The following MYO3B variants were observed in gnomAD, a reference collection of about 807,000 sequenced individuals.
MYO3B encodes the protein myosin IIIB, also known as myosin-IIIb.
Under a neutral mutation model 174.6 loss-of-function variants are expected in MYO3B, and 156 were observed. The observed-to-expected ratio is 0.89, with a 90% confidence interval of 0.78 to 1.02. MYO3B has a LOEUF of 1.02. MYO3B is among the 50% of genes least tolerant of loss of function. MYO3B has a pLI of 0.00. For synonymous variants in MYO3B, 563 were observed against 569.1 expected (o/e 0.99, Z 0.15); for missense variants, 1,632 against 1,639.4 (o/e 1.00, Z 0.08).
At chr2:170,249,309 T>C (rs2093226245) in intron 7 of MYO3B, among the ~76,000 whole-genome samples, 1 of 152,236 alleles carries the variant, frequency 6.6e-6, no homozygotes, top group Non-Finnish European at 1.5e-5. Context: ...TTTATCCTTA[T>C]TCTTTTAATT....
rs71412032 is a variant in MYO3B, at chr2:170,619,737, C to CTTTTTTTTTTTTTT, written c.3734-31877_3734-31864dup. On this transcript the variant is annotated intron_variant, in intron 32 of 34. Transcript: ENST00000408978. ...GATGGCCCATCACTGCTGCCATATT[C>CTTTTTTTTTTTTTT]TTTTTTTTTTTTTTTTTTTTTTTTT... 7.3e-3 allele frequency among the ~76,000 whole-genome samples: 372 copies of CTTTTTTTTTTTTTT among 50,778 alleles called. 122 individuals are homozygous for CTTTTTTTTTTTTTT. Among genetic ancestry groups the CTTTTTTTTTTTTTT allele is most frequent in the Middle Eastern group, 0.023 (1 of 44 alleles). The allele number at this position is 50,778 out of a possible 152,430, so 33.3% of individuals were successfully genotyped here.
chr2:170,595,506 A>G (rs1481697601), intron 32 of MYO3B, among the ~76,000 whole-genome samples: 1 of 152,038 alleles, frequency 6.6e-6, no homozygotes, highest in Non-Finnish European at 1.5e-5. Context: ...CGGCATGAAC[A>G]TGGCTCACTG....
intron 23 of MYO3B, among the ~76,000 whole-genome samples, chr2:170,456,390 T>C (rs890438628): frequency 2.0e-5 from 3 of 152,180 alleles, no homozygotes; most frequent in African/African-American, 7.2e-5. Flanking sequence ...GTCTAGGCTT[T>C]AGGCAGATAA....
intron 7 of MYO3B, chr2:170,334,762 C>T (rs2093935620): frequency 6.6e-6 from 1 of 152,002 alleles, no homozygotes; most frequent in Non-Finnish European, 1.5e-5. Flanking sequence ...TTCTTTCTGC[C>T]ATTCTCTCAT....
In MYO3B at chr2:170,381,996, C is replaced by A. The variant is rs547110868; in HGVS notation, c.972-20C>A. 54 of 1,602,182 alleles carry A rather than the reference C, an allele frequency of 3.4e-5. No individual in the cohort carries two copies. The East Asian group carries it at 1.1e-3, about 34-fold the overall frequency. The stretch of plus-strand genomic sequence containing the variant: ...ATTATTTGCTGTCTTAATGCTTAAA[C>A]TCTCTTGATAAATTTCTAGGCATGA... On this transcript the variant is annotated intron_variant, in intron 9 of 34. Transcript: ENST00000408978.
At chr2:170,601,588 A>G in intron 32 of MYO3B, 1 of 1,110,942 alleles carries the variant, frequency 9.0e-7, no homozygotes, top group Non-Finnish European at 1.4e-6. Flanking sequence ...TAGACAAGGA[A>G]AAAAACTAGG....
intron 22 of MYO3B, among the ~76,000 whole-genome samples, chr2:170,434,816 G>A (rs540445530): frequency 2.6e-5 from 4 of 152,272 alleles, no homozygotes; most frequent in African/African-American, 7.2e-5. Context: ...GTGGCACCAC[G>A]CCCAGTTAAT....
chr2:170,650,542 T>G lies in MYO3B; in HGVS notation c.3734-1086T>G, dbSNP rs532447661. 2.0e-5 allele frequency among the ~76,000 whole-genome samples: 3 copies of G among 152,146 alleles called. No homozygotes were observed. The East Asian group carries it at 5.8e-4, about 29-fold the overall frequency. ...ACAACAACATTCATGGACAATATTC[T>G]ATGACAGAGGTGTGTGTGTCTGTGT... is the stretch of plus-strand genomic sequence containing the variant. On this transcript the variant is annotated intron_variant, in intron 32 of 34. Coordinates refer to ENST00000408978, the MANE Select transcript of MYO3B (RefSeq NM_138995.5).
At chr2:170,186,552 A>G (rs2092466006) in intron 1 of MYO3B, among the ~76,000 whole-genome samples, 1 of 152,194 alleles carries the variant, frequency 6.6e-6, no homozygotes, top group Non-Finnish European at 1.5e-5. Context: ...TTTTACTTCT[A>G]CATTCATCAG....
At chr2:170,290,007 A>G (rs995842909) in intron 7 of MYO3B, among the ~76,000 whole-genome samples, 4 of 152,100 alleles carry the variant, frequency 2.6e-5, no homozygotes, top group East Asian at 1.9e-4. Context: ...GTGTTTTCCA[A>G]AGTTCCTCCT....
At chr2:170,438,822 A>G (rs187165083) in intron 22 of MYO3B, among the ~76,000 whole-genome samples, 3 of 152,034 alleles carry the variant, frequency 2.0e-5, no homozygotes, top group Non-Finnish European at 2.9e-5. Flanking sequence ...TTTAGTAGAG[A>G]CAGGGTTTCA....
chr2:170,607,658 C>T (rs1290565746), intron 32 of MYO3B, among the ~76,000 whole-genome samples: 1 of 152,204 alleles, frequency 6.6e-6, no homozygotes, highest in Non-Finnish European at 1.5e-5. Flanking sequence ...TTAGCCTGAG[C>T]AGCTACTGTT....
chr2:170,259,625 A>G (rs745309454), intron 7 of MYO3B, among the ~76,000 whole-genome samples: 2 of 152,218 alleles, frequency 1.3e-5, no homozygotes, highest in Non-Finnish European at 2.9e-5. Flanking sequence ...AAATGCTATT[A>G]TGGACATTGG....
At chr2:170,611,728 A>G (rs1695135928) in intron 32 of MYO3B, among the ~76,000 whole-genome samples, 1 of 152,240 alleles carries the variant, frequency 6.6e-6, no homozygotes, top group Non-Finnish European at 1.5e-5. Context: ...AACCATGGGT[A>G]TAGCACAATT....
At chr2:170,242,204 A>G (rs1341920983) in intron 7 of MYO3B, among the ~76,000 whole-genome samples, 1 of 152,222 alleles carries the variant, frequency 6.6e-6, no homozygotes, top group Non-Finnish European at 1.5e-5. Flanking sequence ...TCATAAAGCA[A>G]GAAGTGCTAG....
chr2:170,404,176 C>A, intron 19 of MYO3B, 71 bp from the exon 20 acceptor site: 2 of 1,467,398 alleles, frequency 1.4e-6, no homozygotes, highest in Non-Finnish European at 1.8e-6. Flanking sequence ...CCAGAAAGTC[C>A]ATGTCAAAGT....
At chr2:170,649,235 A>C (rs868771705) in intron 32 of MYO3B, among the ~76,000 whole-genome samples, 1 of 34,646 alleles carries the variant, frequency 2.9e-5, no homozygotes, top group African/African-American at 1.6e-4. Flanking sequence ...ATATAAAATA[A>C]TATATATTAT....
At chr2:170,429,095 C>T (rs563914706) in intron 22 of MYO3B, among the ~76,000 whole-genome samples, 10 of 152,206 alleles carry the variant, frequency 6.6e-5, no homozygotes, top group East Asian at 1.9e-4. Context: ...ATAGGTGTTG[C>T]GGGAAATTAT....
chr2:170,313,464 G>T (rs1222315519), intron 7 of MYO3B, among the ~76,000 whole-genome samples: 1 of 152,136 alleles, frequency 6.6e-6, no homozygotes, highest in Non-Finnish European at 1.5e-5. Flanking sequence ...CTACAGCTGA[G>T]CCCATCTTCA....
Sources: allele counts gnomAD v4.1 joint callset (sites outside exome capture counted in the v4.1 genomes callset), GRCh38; gene constraint gnomAD v4.1.1; transcripts MANE v1.5; gene names NCBI Gene and HGNC (gene_info 2026-07-23, HGNC 2026-07-21).